Variants in ZNF536 observed in about 807,000 individuals in gnomAD.
ZNF536 encodes zinc finger protein 536.
ZNF536 carries 13 observed loss-of-function variants against 84.5 expected under a neutral mutation model. The ratio of observed to expected loss-of-function variants is 0.15; its 90% CI spans 0.10 to 0.24. The LOEUF is 0.24. Among genes scored for constraint, ZNF536 ranks in the 10% least tolerant of loss-of-function variants. ZNF536 has a pLI of 1.00. For synonymous variants in ZNF536, 811 were observed against 742.5 expected (o/e 1.09, Z -1.50); for missense variants, 1,536 against 1,747.5 (o/e 0.88, Z 2.16).
chr19:30,340,802 A>G (rs1309152674), intron 2 of ZNF536, among the ~76,000 whole-genome samples: 1 of 152,214 alleles, frequency 6.6e-6, no homozygotes, highest in Admixed American at 6.5e-5. Flanking sequence ...CAGTCACCAA[A>G]GAACCTGAAA....
intron 3 of ZNF536, among the ~76,000 whole-genome samples, chr19:30,364,180 C>T (rs1399848254): frequency 2.0e-5 from 3 of 152,052 alleles, no homozygotes; most frequent in Non-Finnish European, 4.4e-5. Context: ...AGAATGGAGC[C>T]GCTAGAAAAC....
At chr19:30,253,514 C>T (rs182690265) in intron 1 of ZNF536, among the ~76,000 whole-genome samples, 13 of 152,320 alleles carry the variant, frequency 8.5e-5, no homozygotes, top group Admixed American at 3.9e-4. Flanking sequence ...TGCCCAACAA[C>T]GCACAGCTTG....
chr19:30,328,586 G>T (rs2047112004), intron 2 of ZNF536, among the ~76,000 whole-genome samples: 2 of 152,222 alleles, frequency 1.3e-5, no homozygotes, highest in South Asian at 2.1e-4. Flanking sequence ...AATCACTCAA[G>T]TTCCATTGGA....
At chr19:30,358,752 G>A (rs1300714476) in intron 3 of ZNF536, among the ~76,000 whole-genome samples, 1 of 152,240 alleles carries the variant, frequency 6.6e-6, no homozygotes, top group Non-Finnish European at 1.5e-5. Context: ...CTGGACAGGT[G>A]ATTTCGGATG....
intron 2 of ZNF536, among the ~76,000 whole-genome samples, chr19:30,476,841 G>A (rs1461465462): frequency 6.6e-6 from 1 of 152,158 alleles, no homozygotes; most frequent in African/African-American, 2.4e-5. Flanking sequence ...CCTGCCTCTT[G>A]GACTCCAGGG....
At chr19:30,568,178 T>C (rs1201199167) in intron 1 of ZNF536, among the ~76,000 whole-genome samples, 1 of 152,160 alleles carries the variant, frequency 6.6e-6, no homozygotes, top group Non-Finnish European at 1.5e-5. Context: ...GTGCAGACAG[T>C]AGGTAGCATT....
intron 2 of ZNF536, among the ~76,000 whole-genome samples, chr19:30,299,623 A>G (rs1600129401): frequency 1.3e-5 from 2 of 152,212 alleles, no homozygotes; most frequent in South Asian, 2.1e-4. Context: ...TGATATTGGA[A>G]TATGGCATTC....
At chr19:30,582,554 C>G (rs1219948759) in intron 1 of ZNF536, among the ~76,000 whole-genome samples, 2 of 151,830 alleles carry the variant, frequency 1.3e-5, no homozygotes, top group Admixed American at 6.6e-5. Context: ...TTATGCCAGG[C>G]TAATTTTTTT....
intron 1 of ZNF536, among the ~76,000 whole-genome samples, chr19:30,400,734 G>T (rs1038154717): frequency 6.6e-6 from 1 of 152,078 alleles, no homozygotes; most frequent in Admixed American, 6.5e-5. Context: ...CCTGGCCTGA[G>T]AGTTCTTTCT....
At chr19:30,685,338 T>A (rs1299382967) in intron 1 of ZNF536, among the ~76,000 whole-genome samples, 1 of 152,180 alleles carries the variant, frequency 6.6e-6, no homozygotes, top group Non-Finnish European at 1.5e-5. Flanking sequence ...ATGGAGAGAC[T>A]CTTTCTGGAT....
At chr19:30,279,388 A>G (rs2045354739) in intron 1 of ZNF536, among the ~76,000 whole-genome samples, 1 of 151,990 alleles carries the variant, frequency 6.6e-6, no homozygotes, top group South Asian at 2.1e-4. Flanking sequence ...ATTCTCCGAG[A>G]GAAAGCTCCC....
chr19:30,692,678 C>T (rs1379999486), intron 1 of ZNF536, among the ~76,000 whole-genome samples: 1 of 152,174 alleles, frequency 6.6e-6, no homozygotes, highest in Non-Finnish European at 1.5e-5. Flanking sequence ...GCTGTTGCAA[C>T]TGCTGGCGGT....
intron 2 of ZNF536, among the ~76,000 whole-genome samples, chr19:30,293,414 A>C (rs1178142249): frequency 1.3e-5 from 2 of 152,182 alleles, no homozygotes; most frequent in Non-Finnish European, 2.9e-5. Context: ...ATCAGTCCCA[A>C]GTACTTAGGG....
intron 1 of ZNF536, among the ~76,000 whole-genome samples, chr19:30,608,290 T>C (rs957167911): frequency 1.3e-5 from 2 of 152,196 alleles, no homozygotes; most frequent in Non-Finnish European, 2.9e-5. Flanking sequence ...TCGTGGTCCT[T>C]TGTCCCTATT....
intron 1 of ZNF536, among the ~76,000 whole-genome samples, chr19:30,573,298 AT>A (rs2046617702): frequency 6.6e-6 from 1 of 152,170 alleles, no homozygotes; most frequent in South Asian, 2.1e-4. Context: ...AATGACTTGC[AT>A]TAGTAATAGT....
intron 1 of ZNF536, among the ~76,000 whole-genome samples, chr19:30,592,916 C>T (rs1053127633): frequency 2.0e-5 from 3 of 152,194 alleles, no homozygotes; most frequent in Non-Finnish European, 4.4e-5. Flanking sequence ...AGGTATAACG[C>T]TTGAAATGTG....
intron 1 of ZNF536, among the ~76,000 whole-genome samples, chr19:30,704,123 G>A (rs1231358138): frequency 6.6e-6 from 1 of 152,192 alleles, no homozygotes; most frequent in Admixed American, 6.5e-5. Flanking sequence ...ACTTGGGAGA[G>A]GCTATCGCCT....
chr19:30,415,309 C>T (rs1412109174), intron 1 of ZNF536, among the ~76,000 whole-genome samples: 2 of 140,868 alleles, frequency 1.4e-5, no homozygotes, highest in Non-Finnish European at 3.1e-5. Flanking sequence ...TCTTCTTCTC[C>T]TTCTCCTTCT....
At chr19:30,387,811 G>T (rs190868399) in intron 1 of ZNF536, among the ~76,000 whole-genome samples, 27 of 152,352 alleles carry the variant, frequency 1.8e-4, no homozygotes, top group Middle Eastern at 3.4e-3. Flanking sequence ...TATCAGGGAA[G>T]AGGCTTGGAA....
Sources: allele counts gnomAD v4.1 joint callset (sites outside exome capture counted in the v4.1 genomes callset), GRCh38; gene constraint gnomAD v4.1.1; transcripts MANE v1.5; gene names NCBI Gene and HGNC (gene_info 2026-07-23, HGNC 2026-07-21).